SORL1: variants seen among roughly 807,000 people sequenced by gnomAD.
SORL1 encodes sortilin related receptor 1.
In SORL1, 127 loss-of-function variants were observed where a neutral mutation model predicts 273.7. The ratio of observed to expected loss-of-function variants is 0.46; its 90% confidence interval spans 0.40 to 0.54. The LOEUF (loss-of-function observed/expected upper bound fraction) is 0.54, where lower values mean the gene tolerates loss of function less well. Among genes scored for constraint, SORL1 ranks in the 20% least tolerant of loss-of-function variants. The pLI is 0.00. For missense variants in SORL1, 2,494 were observed against 2,846.1 expected (o/e 0.88, Z 2.81); for synonymous variants, 1,031 against 1,067.4 (o/e 0.97, Z 0.66).
intron 31 of SORL1, 21 bp downstream of exon 31, chr11:121,591,177 T>C: frequency 6.2e-7 from 1 of 1,613,598 alleles, no homozygotes; most frequent in Non-Finnish European, 8.5e-7. Context: ...GCCCAGGTCC[T>C]CTCCTGTGGT....
chr11:121,618,824 G>A lies in SORL1; in HGVS notation c.5655G>A (p.Pro1885=), dbSNP rs115823469. The A allele has an allele frequency of 2.0e-4, 330 of 1,614,038 alleles. No homozygotes were observed. The East Asian group carries it at 3.2e-3, about 16-fold the overall frequency. The change falls in exon 42 of 48, where the codon CCG becomes CCA. Residue 1885 remains proline (P), a synonymous_variant. Transcript: ENST00000260197. ...ATSFLDLYRN[P]KSLTTSLHNK... The stretch of plus-strand genomic sequence containing the variant: ...CCTTTCTTGACCTCTATCGCAACCC[G>A]AAGAGCTTGACTACTTCACTCCACA...
At chr11:121,576,564 A>C (rs1363808945) in intron 24 of SORL1, among the ~76,000 whole-genome samples, 1 of 152,232 alleles carries the variant, frequency 6.6e-6, no homozygotes, top group Non-Finnish European at 1.5e-5. Context: ...TAGCCTCCAG[A>C]ACCGAGAGAA....
chr11:121,554,549 C>T lies in SORL1; in HGVS notation c.2439+440C>T, dbSNP rs1862550116. Among the ~76,000 whole-genome samples, 1 of 152,186 alleles carries T rather than the reference C, an allele frequency of 6.6e-6. No individual in the cohort carries two copies. The highest frequency in any genetic ancestry group is 6.5e-5 in the Admixed American group (1 of 15,276). ...GAACCAGGAAGTAAGCATTAAAGAG[C>T]CCTGGACAGGCCAGGTGGATAGCCA... On this transcript the variant is annotated intron_variant, in intron 17 of 47. Transcript: ENST00000260197. The surrounding 1 kb of genome is among the most constrained non-coding windows in gnomAD (Gnocchi z 4.6).
intron 45 of SORL1, 72 bp downstream of exon 45, chr11:121,622,340 A>C: frequency 1.2e-6 from 1 of 816,522 alleles, no homozygotes; most frequent in Non-Finnish European, 2.1e-6. Flanking sequence ...GAGCTTGTTG[A>C]CAGCATGCTG....
chr11:121,551,209 C>T (rs950598862), intron 16 of SORL1, among the ~76,000 whole-genome samples: 11 of 152,264 alleles, frequency 7.2e-5, no homozygotes, highest in African/African-American at 2.4e-4. Context: ...GAAGCATGTT[C>T]AGAGGAGGTT....
intron 11 of SORL1, among the ~76,000 whole-genome samples, chr11:121,527,376 A>C (rs971063260): frequency 6.6e-6 from 1 of 152,024 alleles, no homozygotes; most frequent in Admixed American, 6.6e-5. Context: ...TATTCTTTTT[A>C]TGTGCAGCTA....
chr11:121,578,912 A>G (rs1018448230), intron 25 of SORL1, among the ~76,000 whole-genome samples: 9 of 152,356 alleles, frequency 5.9e-5, no homozygotes, highest in African/African-American at 1.9e-4. Flanking sequence ...ACCGAGGCCC[A>G]TAAAGGAGCT....
rs1237342692 is a variant in SORL1 at position 121,554,453 on chromosome 11, A to G, written c.2439+344A>G. 6.6e-6 allele frequency among the ~76,000 whole-genome samples: 1 copy of G among 152,176 alleles called. No homozygotes were observed. The highest frequency in any genetic ancestry group is 1.5e-5 in the Non-Finnish European group (1 of 68,040). Reference sequence around the variant, plus strand: ...TCTTGAGCATCTTTCTTCCCAAGCCATGATACAGTAACACTTGACTTACCC... The same window carrying G: ...TCTTGAGCATCTTTCTTCCCAAGCCGTGATACAGTAACACTTGACTTACCC... On this transcript the variant is annotated intron_variant, in intron 17 of 47. Coordinates refer to ENST00000260197, the MANE Select transcript of SORL1 (RefSeq NM_003105.6). This position sits in a 1 kb window ranked among gnomAD's most constrained non-coding sequence, Gnocchi z 4.6.
chr11:121,462,396 C>G (rs1267360081), intron 1 of SORL1, among the ~76,000 whole-genome samples: 1 of 152,122 alleles, frequency 6.6e-6, no homozygotes, highest in Non-Finnish European at 1.5e-5. Context: ...TAACTCCTCC[C>G]TCTTCATCCT....
intron 41 of SORL1, among the ~76,000 whole-genome samples, chr11:121,617,085 G>T (rs1863653925): frequency 6.6e-6 from 1 of 152,230 alleles, no homozygotes; most frequent in South Asian, 2.1e-4. Context: ...TAAGATAAAA[G>T]ATTGTGGAGA....
chr11:121,618,707 G>A (rs1784933), intron 41 of SORL1, 67 bp from the exon 42 acceptor site: 1,469,983 of 1,596,528 alleles, frequency 0.92, 683,552 homozygotes, highest in Non-Finnish European at 0.95. Context: ...CTTAAATTGG[G>A]GATTTCAAGG....
rs771874205 is a variant in SORL1 at position 121,570,256 on chromosome 11, A to T, written c.3323A>T (p.Asp1108Val). 6.2e-7 allele frequency: 1 copy of T among 1,612,664 alleles called. No individual in the cohort carries two copies. The highest frequency in any genetic ancestry group is 8.5e-7 in the Non-Finnish European group (1 of 1,178,746). The change falls in exon 23 of 48, where the codon GAT (aspartate) becomes GTT (valine). Residue 1108 changes from aspartate to valine, a missense_variant. Physicochemically the swap from Asp to Val is radical, Grantham distance 152. Coordinates refer to ENST00000260197, the MANE Select transcript of SORL1 (RefSeq NM_003105.6). ...DFDNDCGDMS[D>V]ERNCPTTICD... ...GACAACGACTGTGGAGACATGAGCG[A>T]TGAGAGAAACTGCCGTGAGTCTTCT... is the stretch of plus-strand genomic sequence containing the variant.
Position 121,543,645 on chromosome 11 carries a change from A to C in SORL1, c.1783A>C (p.Thr595Pro). ...CCTCACAGAACCTGGGGAGAAGAGC[A>C]CTGTCTTCACCATCTTTGGCTCGAA... ...GLLTEPGEKS[T>P]VFTIFGSNKE... The change falls in exon 13 of 48, where the codon ACT becomes CCT. Residue 595 changes from threonine to proline, a missense_variant. Thr to Pro is a conservative substitution (Grantham distance 38). This residue lies in a region of SORL1 where 710 missense variants were observed against 882.5 expected (regional missense o/e 0.80). Coordinates refer to ENST00000260197, the MANE Select transcript of SORL1 (RefSeq NM_003105.6). 1 of 1,614,132 alleles carries C rather than the reference A, an allele frequency of 6.2e-7. No homozygotes were observed. Among genetic ancestry groups the C allele is most frequent in the Non-Finnish European group, 8.5e-7 (1 of 1,179,946 alleles).
At chr11:121,601,231 A>C (rs1236163947) in intron 32 of SORL1, among the ~76,000 whole-genome samples, 1 of 134,070 alleles carries the variant, frequency 7.5e-6, no homozygotes, top group Non-Finnish European at 1.6e-5. Flanking sequence ...TGAACTCATC[A>C]TTTTTTATGG....
Position 121,507,933 on chromosome 11 carries a change from T to C in SORL1, c.940-5070T>C, listed in dbSNP as rs148296008. The stretch of plus-strand genomic sequence containing the variant: ...CCCCTTCCTCAGGGTTTTGTGTTGT[T>C]GCTGTTTGTTGTTGCTGTTTTTGTT... On this transcript the variant is annotated intron_variant, in intron 6 of 47. Transcript: ENST00000260197. Among the ~76,000 whole-genome samples, 499 of 152,318 alleles carry C rather than the reference T, an allele frequency of 3.3e-3. 7 individuals are homozygous for C. Among genetic ancestry groups the C allele is most frequent in the African/African-American group, 0.011 (476 of 41,566 alleles).
At chr11:121,555,582 T>C (rs560861942) in intron 18 of SORL1, among the ~76,000 whole-genome samples, 18 of 152,148 alleles carry the variant, frequency 1.2e-4, no homozygotes, top group African/African-American at 4.3e-4. Flanking sequence ...TACTTACTTA[T>C]TTTATTTATA....
intron 26 of SORL1, 118 bp downstream of exon 26, chr11:121,583,701 T>C: frequency 9.2e-7 from 1 of 1,081,258 alleles, no homozygotes. Flanking sequence ...ATTTACACTC[T>C]GAAACCAAAT....
chr11:121,482,227 G>A (rs1275121494), intron 3 of SORL1, among the ~76,000 whole-genome samples: 1 of 152,166 alleles, frequency 6.6e-6, no homozygotes, highest in Non-Finnish European at 1.5e-5. Flanking sequence ...GTGGTGTTTG[G>A]GGCAAGAGCA....
chr11:121,585,206 A>G (rs927300328), intron 26 of SORL1, among the ~76,000 whole-genome samples: 4 of 152,228 alleles, frequency 2.6e-5, no homozygotes, highest in African/African-American at 9.6e-5. Context: ...TACTTAGATC[A>G]GGTATGGTGG....
Sources: allele counts gnomAD v4.1 joint callset (sites outside exome capture counted in the v4.1 genomes callset), GRCh38; gene constraint gnomAD v4.1.1; regional missense constraint gnomAD v4.1.1; non-coding constraint Gnocchi (gnomAD v3.1); transcripts MANE v1.5; gene names NCBI Gene and HGNC (gene_info 2026-07-23, HGNC 2026-07-21).